HYCC2: variants seen among roughly 807,000 people sequenced by gnomAD.
The protein encoded by HYCC2 is hyccin PI4KA lipid kinase complex subunit 2.
chr2:201,067,434 G>A, the HYCC2 span, among the ~76,000 whole-genome samples: 1 of 152,106 alleles, frequency 6.6e-6, no homozygotes, highest in Non-Finnish European at 1.5e-5. Flanking sequence ...TTTTTTGGCA[G>A]TTATATTTCA....
chr2:200,974,333 T>TA, the HYCC2 span: 1 of 151,948 alleles, frequency 6.6e-6, no homozygotes, highest in Non-Finnish European at 1.5e-5. Flanking sequence ...GCCAAAGTAG[T>TA]AAAAATCCTT....
chr2:201,034,083 C>T, the HYCC2 span, among the ~76,000 whole-genome samples: 1 of 151,778 alleles, frequency 6.6e-6, no homozygotes, highest in African/African-American at 2.4e-5. Context: ...ATAGTTTCCA[C>T]CCATACCACT....
chr2:201,028,998 C>T, the HYCC2 span, among the ~76,000 whole-genome samples: 2 of 152,162 alleles, frequency 1.3e-5, no homozygotes, highest in Non-Finnish European at 2.9e-5. Context: ...GCAAAAGAAA[C>T]TACTGTCAGA....
the HYCC2 span, among the ~76,000 whole-genome samples, chr2:201,070,233 TTTAG>T: frequency 6.6e-6 from 1 of 152,164 alleles, no homozygotes; most frequent in Non-Finnish European, 1.5e-5. Flanking sequence ...AATAAGATAA[TTTAG>T]TTAATTATAT....
At chr2:201,028,489 T>A in the HYCC2 span, among the ~76,000 whole-genome samples, 3 of 151,936 alleles carry the variant, frequency 2.0e-5, no homozygotes, top group African/African-American at 4.8e-5. Flanking sequence ...GAACCAAAAA[T>A]GAGCCCATAT....
At chr2:201,035,296 C>T in the HYCC2 span, among the ~76,000 whole-genome samples, 9 of 152,082 alleles carry the variant, frequency 5.9e-5, no homozygotes, top group African/African-American at 2.2e-4. Flanking sequence ...AGGCTTTGTT[C>T]GTTTCTTTTT....
the HYCC2 span, chr2:200,992,325 T>A: frequency 1.9e-6 from 3 of 1,612,542 alleles, no homozygotes; most frequent in Non-Finnish European, 1.7e-6. Context: ...CTATAAATGA[T>A]ATCATCAAGA....
chr2:201,068,623 GA>G, the HYCC2 span, among the ~76,000 whole-genome samples: 1 of 152,198 alleles, frequency 6.6e-6, no homozygotes, highest in Non-Finnish European at 1.5e-5. Context: ...AAATTGTTTT[GA>G]GGTATCTATT....
At chr2:200,988,414 T>C in the HYCC2 span, 290 of 1,611,784 alleles carry the variant, frequency 1.8e-4, no homozygotes, top group African/African-American at 2.3e-4. Context: ...TTTCATGGCA[T>C]TGGCAACCTA....
At chr2:201,036,452 T>C in the HYCC2 span, among the ~76,000 whole-genome samples, 1 of 152,144 alleles carries the variant, frequency 6.6e-6, no homozygotes, top group African/African-American at 2.4e-5. Flanking sequence ...AAAGAAAATT[T>C]TAGACCAATA....
the HYCC2 span, chr2:201,062,993 T>G: frequency 6.9e-7 from 1 of 1,439,416 alleles, no homozygotes; most frequent in East Asian, 2.3e-5. Flanking sequence ...CAGCTAACAT[T>G]TATTATGCAT....
At chr2:201,025,083 A>G in the HYCC2 span, among the ~76,000 whole-genome samples, 1 of 152,158 alleles carries the variant, frequency 6.6e-6, no homozygotes, top group Non-Finnish European at 1.5e-5. Context: ...ACTGCACTCT[A>G]GCCTAGGCAA....
chr2:201,032,740 T>A, the HYCC2 span, among the ~76,000 whole-genome samples: 1 of 152,172 alleles, frequency 6.6e-6, no homozygotes, highest in Non-Finnish European at 1.5e-5. Context: ...CACTGTAGTC[T>A]CAAACTCCTT....
At chr2:201,055,215 A>G in the HYCC2 span, among the ~76,000 whole-genome samples, 1 of 151,890 alleles carries the variant, frequency 6.6e-6, no homozygotes, top group African/African-American at 2.4e-5. Context: ...TGGTAAAAAA[A>G]TTTACCATCT....
At chr2:200,987,399 C>T in the HYCC2 span, 2 of 1,289,606 alleles carry the variant, frequency 1.6e-6, no homozygotes, top group African/African-American at 3.0e-5. Flanking sequence ...TGGGCTCCGG[C>T]GAGCCATGCT....
At chr2:201,069,576 ACAC>A in the HYCC2 span, among the ~76,000 whole-genome samples, 50 of 146,550 alleles carry the variant, frequency 3.4e-4, no homozygotes, top group African/African-American at 1.2e-3. Flanking sequence ...ACACACACAC[ACAC>A]ACACACACAC....
At chr2:201,063,515 G>A in the HYCC2 span, 1 of 1,592,056 alleles carries the variant, frequency 6.3e-7, no homozygotes. Context: ...CCGAGGCAGT[G>A]GGAAGAAAAG....
the HYCC2 span, among the ~76,000 whole-genome samples, chr2:200,999,931 G>A: frequency 1.3e-5 from 2 of 150,658 alleles, no homozygotes; most frequent in Admixed American, 6.6e-5. Flanking sequence ...GGTGGCGCGC[G>A]CCTGTAGTCC....
chr2:201,042,026 G>C, the HYCC2 span, among the ~76,000 whole-genome samples: 1 of 151,964 alleles, frequency 6.6e-6, no homozygotes. Flanking sequence ...GGACTGTACT[G>C]CCGCCATCTC....
Sources: gnomAD v4.1 joint callset for allele counts (sites outside exome capture counted in the v4.1 genomes callset) on GRCh38, gnomAD v4.1.1 for gene constraint, MANE v1.5 for transcripts, NCBI Gene and HGNC (gene_info 2026-07-23, HGNC 2026-07-21) for gene names.